Variants in IMMP2L observed in about 807,000 individuals in gnomAD.
IMMP2L encodes the protein inner mitochondrial membrane peptidase subunit 2.
IMMP2L carries 18 observed loss-of-function variants against 19.3 expected under a neutral mutation model. That is an observed-to-expected ratio of 0.93 (90% CI 0.64 to 1.38). The LOEUF is 1.38. Among genes scored for constraint, IMMP2L ranks in the 40% most tolerant of loss-of-function variants. The pLI, the probability that IMMP2L is intolerant of heterozygous loss-of-function variation, is 0.00. For synonymous variants in IMMP2L, 76 were observed against 73.0 expected (o/e 1.04, Z -0.21); for missense variants, 233 against 218.2 (o/e 1.07, Z -0.43).
rs543184425 is a variant in IMMP2L at position 111,337,639 on chromosome 7, G to A, written c.239+149599C>T. 2.6e-5 allele frequency among the ~76,000 whole-genome samples: 4 copies of A among 152,050 alleles called. No homozygotes were observed. In the East Asian group the frequency reaches 5.8e-4, roughly 22 times the overall value. ...ACCTAGAGTGTCTTAGTTACCCAAG[G>A]TAAACAGAGAAACTAAGTACCATAC... is the stretch of plus-strand genomic sequence containing the variant. On this transcript the variant is annotated intron_variant, in intron 3 of 5. Transcript: ENST00000405709.
intron 3 of IMMP2L, among the ~76,000 whole-genome samples, chr7:111,156,657 A>C (rs2129604680): frequency 6.6e-6 from 1 of 152,128 alleles, no homozygotes; most frequent in African/African-American, 2.4e-5. Flanking sequence ...CAAAACTTTT[A>C]TTCTTCCTTA....
At chr7:111,357,978 AG>A (rs1237964034) in intron 3 of IMMP2L, among the ~76,000 whole-genome samples, 1 of 151,850 alleles carries the variant, frequency 6.6e-6, no homozygotes, top group Non-Finnish European at 1.5e-5. Context: ...CAGCAAGCCA[AG>A]GTTTTCACCC....
At chr7:111,305,503 T>C (rs1025564843) in intron 3 of IMMP2L, among the ~76,000 whole-genome samples, 6 of 149,636 alleles carry the variant, frequency 4.0e-5, no homozygotes, top group African/African-American at 1.5e-4. Flanking sequence ...CTGATTTATA[T>C]ATCAGTAATA....
intron 3 of IMMP2L, among the ~76,000 whole-genome samples, chr7:111,029,423 T>C (rs536840794): frequency 2.6e-5 from 4 of 152,176 alleles, no homozygotes; most frequent in East Asian, 1.9e-4. Flanking sequence ...CATAAAAAGG[T>C]CAAGTGACAT....
At chr7:111,445,767 G>C (rs900711283) in intron 3 of IMMP2L, among the ~76,000 whole-genome samples, 6 of 152,148 alleles carry the variant, frequency 3.9e-5, no homozygotes, top group African/African-American at 1.4e-4. Context: ...GCAGAAGACG[G>C]GTGATTTCTG....
intron 3 of IMMP2L, among the ~76,000 whole-genome samples, chr7:111,194,858 T>C (rs1809300958): frequency 6.6e-6 from 1 of 152,164 alleles, no homozygotes; most frequent in Admixed American, 6.5e-5. Flanking sequence ...TCAACTTCTA[T>C]AATCATATCT....
At chr7:110,833,401 T>G (rs12533781) in intron 5 of IMMP2L, among the ~76,000 whole-genome samples, 32,514 of 148,322 alleles carry the variant, frequency 0.22, 3,679 homozygotes, top group Non-Finnish European at 0.25. Context: ...ATTGTGCCAT[T>G]TCACTCCAGC....
intron 4 of IMMP2L, among the ~76,000 whole-genome samples, chr7:110,947,232 G>A (rs888486633): frequency 2.0e-5 from 3 of 151,974 alleles, no homozygotes; most frequent in East Asian, 1.9e-4. Flanking sequence ...TTCGTACATC[G>A]CTGGGGAACT....
chr7:110,985,739 T>G (rs1376919868), intron 3 of IMMP2L, among the ~76,000 whole-genome samples: 2 of 152,064 alleles, frequency 1.3e-5, no homozygotes, highest in African/African-American at 4.8e-5. Flanking sequence ...AGCATCAAAA[T>G]CAGAAAGTAC....
At chr7:111,422,425 A>T (rs1290153289) in intron 3 of IMMP2L, among the ~76,000 whole-genome samples, 5 of 150,220 alleles carry the variant, frequency 3.3e-5, no homozygotes, top group Admixed American at 2.0e-4. Flanking sequence ...TTCTCCTTGA[A>T]GAGGTCACCA....
At chr7:111,190,086 A>T (rs1016243022) in intron 3 of IMMP2L, among the ~76,000 whole-genome samples, 1 of 152,190 alleles carries the variant, frequency 6.6e-6, no homozygotes, top group Non-Finnish European at 1.5e-5. Context: ...CTGCAGATAT[A>T]CATTTTACAG....
chr7:111,464,436 C>T (rs1488272834), intron 3 of IMMP2L, among the ~76,000 whole-genome samples: 1 of 152,134 alleles, frequency 6.6e-6, no homozygotes, highest in African/African-American at 2.4e-5. Flanking sequence ...TGAGCTATGA[C>T]CATGCCACTG....
chr7:111,179,654 G>C (rs1390423112), intron 3 of IMMP2L, among the ~76,000 whole-genome samples: 1 of 152,070 alleles, frequency 6.6e-6, no homozygotes, highest in Admixed American at 6.6e-5. Context: ...CCTAACAAGA[G>C]AGTGAGCCTG....
rs746474757 is a variant in IMMP2L, at chr7:110,760,075, C to T, written c.409-96354G>A. Among the ~76,000 whole-genome samples, 2 of 152,122 alleles carry T rather than the reference C, an allele frequency of 1.3e-5. No homozygotes were observed. Among genetic ancestry groups the T allele is most frequent in the African/African-American group, 4.8e-5 (2 of 41,452 alleles). ...TTAATATGAAATCAAGTGGAGACAT[C>T]TGTGCTTTGTCATCACAAAAGAAAA... is the stretch of plus-strand genomic sequence containing the variant. On this transcript the variant is annotated intron_variant, in intron 5 of 5. Coordinates refer to ENST00000405709, the MANE Select transcript of IMMP2L (RefSeq NM_032549.4). The surrounding 1 kb of genome is among the most constrained non-coding windows in gnomAD (Gnocchi z 4.2).
intron 3 of IMMP2L, among the ~76,000 whole-genome samples, chr7:111,308,164 G>C (rs1667971884): frequency 6.6e-6 from 1 of 151,848 alleles, no homozygotes; most frequent in Admixed American, 6.6e-5. Flanking sequence ...AGGCTAAAAA[G>C]TAAATATAAT....
At chr7:111,546,096 ATAATT>A (rs1848907697) in intron 1 of IMMP2L, among the ~76,000 whole-genome samples, 1 of 152,124 alleles carries the variant, frequency 6.6e-6, no homozygotes, top group Non-Finnish European at 1.5e-5. Flanking sequence ...TATATATACT[ATAATT>A]TATTTATCCA....
chr7:111,240,271 C>T (rs1467330702), intron 3 of IMMP2L, among the ~76,000 whole-genome samples: 3 of 152,070 alleles, frequency 2.0e-5, no homozygotes, highest in South Asian at 2.1e-4. Context: ...ACTCATCATT[C>T]CTTTAAAAAC....
chr7:110,885,663 A>G (rs955646763), intron 5 of IMMP2L, among the ~76,000 whole-genome samples: 11 of 151,996 alleles, frequency 7.2e-5, no homozygotes, highest in Non-Finnish European at 1.5e-4. Flanking sequence ...CGGGTGACAG[A>G]TTTATGCCAC....
At chr7:111,077,605 C>T (rs1419504399) in intron 3 of IMMP2L, among the ~76,000 whole-genome samples, 1 of 152,208 alleles carries the variant, frequency 6.6e-6, no homozygotes, top group Non-Finnish European at 1.5e-5. Flanking sequence ...TGTTGCTCCC[C>T]TTAACTCCTA....
Sources: allele counts gnomAD v4.1 joint callset (sites outside exome capture counted in the v4.1 genomes callset), GRCh38; gene constraint gnomAD v4.1.1; non-coding constraint Gnocchi (gnomAD v3.1); transcripts MANE v1.5; gene names NCBI Gene and HGNC (gene_info 2026-07-23, HGNC 2026-07-21).